SGPP2: variants seen among roughly 807,000 people sequenced by gnomAD.
SGPP2 encodes sphingosine-1-phosphate phosphatase 2, also known as sphingosine 1-phosphate phosphohydrolase 2.
In SGPP2, 30 loss-of-function variants were observed where a neutral mutation model predicts 33.9. The ratio of observed to expected loss-of-function variants is 0.89; its 90% CI spans 0.66 to 1.20. The LOEUF is 1.20. Among genes scored for constraint, SGPP2 ranks in the 50% most tolerant of loss-of-function variants. SGPP2 has a pLI of 0.00. For missense variants in SGPP2, 458 were observed against 532.1 expected (o/e 0.86, Z 1.37); for synonymous variants, 233 against 225.0 (o/e 1.04, Z -0.32).
At chr2:222,521,560 G>A (rs1164070794) in intron 2 of SGPP2, among the ~76,000 whole-genome samples, 1 of 152,222 alleles carries the variant, frequency 6.6e-6, no homozygotes, top group Non-Finnish European at 1.5e-5. Context: ...TCATATCTTA[G>A]TTGCTCAGTG....
chr2:222,432,707 G>A (rs1697174688), intron 1 of SGPP2, among the ~76,000 whole-genome samples: 1 of 152,138 alleles, frequency 6.6e-6, no homozygotes, highest in Admixed American at 6.5e-5. Flanking sequence ...AGCCAGAGGT[G>A]GAGGGGGGAA....
intron 4 of SGPP2, among the ~76,000 whole-genome samples, chr2:222,552,883 C>T (rs1438399741): frequency 6.6e-6 from 1 of 152,036 alleles, no homozygotes; most frequent in African/African-American, 2.4e-5. Flanking sequence ...AAAGAATTTA[C>T]TCATGTAACC....
At position 222,549,284 on chromosome 2, in the gene SGPP2, G is replaced by T. The variant is rs182503623; in HGVS notation, c.649-9063G>T. Among the ~76,000 whole-genome samples, 117 of 152,316 alleles carry T rather than the reference G, an allele frequency of 7.7e-4. 2 individuals carry two copies. Among genetic ancestry groups the T allele is most frequent in the Non-Finnish European group, 1.2e-3 (83 of 68,030 alleles). The stretch of plus-strand genomic sequence containing the variant: ...CTAGCGCTAACCTTGTGTTGTGTTG[G>T]CCTGTTCAATAGCATTCTTCAGGGA... On this transcript the variant is annotated intron_variant, in intron 4 of 4. Transcript: ENST00000321276.
At chr2:222,531,501 T>A (rs1474752345) in intron 4 of SGPP2, among the ~76,000 whole-genome samples, 1 of 152,104 alleles carries the variant, frequency 6.6e-6, no homozygotes, top group Non-Finnish European at 1.5e-5. Flanking sequence ...ATTAGAATGG[T>A]AGTTGCCAGC....
chr2:222,452,354 A>G, intron 1 of SGPP2: 2 of 702,226 alleles, frequency 2.8e-6, no homozygotes, highest in Admixed American at 3.6e-5. Context: ...GGAAGGATTC[A>G]GCCAGTGCCC....
chr2:222,494,601 C>A (rs756992694), intron 2 of SGPP2, among the ~76,000 whole-genome samples: 2 of 152,186 alleles, frequency 1.3e-5, no homozygotes, highest in African/African-American at 4.8e-5. Context: ...CTTGGCCCTG[C>A]GTGTGCAGTT....
intron 1 of SGPP2, among the ~76,000 whole-genome samples, chr2:222,466,838 A>C (rs1471785238): frequency 6.6e-6 from 1 of 152,176 alleles, no homozygotes; most frequent in Non-Finnish European, 1.5e-5. Flanking sequence ...ATCATCAGTC[A>C]GTCATTTGAT....
rs969681152 is a variant in SGPP2, at chr2:222,529,290, C to T, written c.648+4257C>T. ...TCATGAGATTGCAGCAATTCAGTCA[C>T]ATCTTCAGGCTCCACATCTAATTCT... On this transcript the variant is annotated intron_variant, in intron 4 of 4. Coordinates refer to ENST00000321276, the MANE Select transcript of SGPP2 (RefSeq NM_152386.4). Among the ~76,000 whole-genome samples, 5 of 152,146 alleles carry T rather than the reference C, an allele frequency of 3.3e-5. 1 individual carries two copies. Among genetic ancestry groups the T allele is most frequent in the Admixed American group, 6.6e-5 (1 of 15,260 alleles).
intron 2 of SGPP2, among the ~76,000 whole-genome samples, chr2:222,510,689 A>G (rs1574869331): frequency 6.6e-6 from 1 of 152,220 alleles, no homozygotes; most frequent in East Asian, 1.9e-4. Context: ...CCTGCAGAGG[A>G]CTTAGGTTTT....
chr2:222,505,260 C>T (rs1403762161), intron 2 of SGPP2, among the ~76,000 whole-genome samples: 2 of 152,090 alleles, frequency 1.3e-5, no homozygotes, highest in South Asian at 2.1e-4. Flanking sequence ...TAGAGATAAT[C>T]GTATGAAGGT....
chr2:222,467,950 GAAAAAAAAAAAAA>G (rs61253653), intron 1 of SGPP2, among the ~76,000 whole-genome samples: 964 of 24,794 alleles, frequency 0.039, 35 homozygotes, highest in East Asian at 0.22. Context: ...GCTCTAATCT[GAAAAAAAAAAAAA>G]AAAAAAAAAA....
chr2:222,487,177 A>G, intron 2 of SGPP2, among the ~76,000 whole-genome samples: 1 of 152,162 alleles, frequency 6.6e-6, no homozygotes, highest in East Asian at 1.9e-4. Context: ...GAATCAAAGG[A>G]TGGTTTGTTC....
In SGPP2 at chr2:222,474,619, C is replaced by A. The variant is rs775203743; in HGVS notation, c.271C>A (p.Gln91Lys). The A allele has an allele frequency of 6.2e-7, 1 of 1,613,998 alleles. No homozygotes were observed. Among genetic ancestry groups the A allele is most frequent in the East Asian group, 2.2e-5 (1 of 44,848 alleles). ...GAATTATTTCTACTATTACCTATTC[C>A]AATTTTCAGCTGCTTTGGGCCAAGA... Reference protein sequence around the residue: ...VKNYFYYYLFQFSAALGQEVF... With the variant: ...VKNYFYYYLFKFSAALGQEVF... The change falls in exon 2 of 5, where the codon CAA becomes AAA. Residue 91 changes from glutamine to lysine, a missense_variant. Physicochemically the swap from Gln to Lys is moderately conservative, Grantham distance 53. Coordinates refer to ENST00000321276, the MANE Select transcript of SGPP2 (RefSeq NM_152386.4).
intron 2 of SGPP2, among the ~76,000 whole-genome samples, chr2:222,507,845 A>G (rs1446826742): frequency 6.6e-6 from 1 of 152,236 alleles, no homozygotes; most frequent in Non-Finnish European, 1.5e-5. Flanking sequence ...AGTATATCTC[A>G]TAATTTTTTA....
chr2:222,499,255 A>T (rs1698329364), intron 2 of SGPP2, among the ~76,000 whole-genome samples: 1 of 152,200 alleles, frequency 6.6e-6, no homozygotes, highest in Admixed American at 6.5e-5. Flanking sequence ...AAAAAGGGTC[A>T]TGGGGAGGTT....
Position 222,508,161 on chromosome 2 carries a change from C to T in SGPP2, c.379-13606C>T, listed in dbSNP as rs1220615044. Among the ~76,000 whole-genome samples the T allele has an allele frequency of 2.0e-5, 3 of 152,182 alleles. No individual in the cohort carries two copies. In the East Asian group the frequency reaches 5.8e-4, roughly 29 times the overall value. ...CAGATGTGATATCGTAATCTCTCAG[C>T]CCCAAGGACACTCAGCGTCCTCTAT... is the stretch of plus-strand genomic sequence containing the variant. On this transcript the variant is annotated intron_variant, in intron 2 of 4. Transcript: ENST00000321276.
At chr2:222,505,212 T>C (rs1378187618) in intron 2 of SGPP2, among the ~76,000 whole-genome samples, 1 of 152,214 alleles carries the variant, frequency 6.6e-6, no homozygotes, top group African/African-American at 2.4e-5. Context: ...CCTCGGCTTA[T>C]TGCAAGAGCT....
intron 2 of SGPP2, among the ~76,000 whole-genome samples, chr2:222,502,719 G>GC (rs1239685216): frequency 1.3e-5 from 2 of 152,192 alleles, no homozygotes; most frequent in African/African-American, 4.8e-5. Context: ...GATAAAGGCA[G>GC]CAGCTGCTTA....
intron 1 of SGPP2, among the ~76,000 whole-genome samples, chr2:222,444,319 GT>G (rs1173087477): frequency 2.0e-5 from 3 of 152,212 alleles, no homozygotes; most frequent in African/African-American, 7.2e-5. Context: ...CGTGGTAGGA[GT>G]TTGGCAGTCC....
Sources: gnomAD v4.1 joint callset for allele counts (sites outside exome capture counted in the v4.1 genomes callset) on GRCh38, gnomAD v4.1.1 for gene constraint, MANE v1.5 for transcripts, NCBI Gene and HGNC (gene_info 2026-07-23, HGNC 2026-07-21) for gene names.